CADM2: variants seen among roughly 807,000 people sequenced by gnomAD.
The protein encoded by CADM2 is cell adhesion molecule 2.
CADM2 carries 12 observed loss-of-function variants against 49.8 expected under a neutral mutation model. That is an observed-to-expected ratio of 0.24 (90% CI 0.15 to 0.39). The LOEUF (loss-of-function observed/expected upper bound fraction) is 0.39. Ranked by LOEUF, CADM2 falls within the 10% of genes least tolerant of loss-of-function variation. CADM2 has a pLI of 1.00. For missense variants in CADM2, 378 were observed against 492.3 expected (o/e 0.77, Z 2.20); for synonymous variants, 214 against 175.4 (o/e 1.22, Z -1.74).
chr3:85,710,173 C>T lies in CADM2; in HGVS notation c.62-16349C>T, dbSNP rs189172827. Among the ~76,000 whole-genome samples, 17 of 152,232 alleles carry T rather than the reference C, an allele frequency of 1.1e-4. No individual in the cohort carries two copies. In the East Asian group the frequency reaches 2.3e-3, roughly 21 times the overall value. ...GCTATGGAACACCATTTTCTTATTA[C>T]ACCTTCATAGCATAACAAGCTAAAA... On this transcript the variant is annotated intron_variant, in intron 1 of 9. Coordinates refer to ENST00000383699, the MANE Select transcript of CADM2 (RefSeq NM_001167675.2).
chr3:85,616,282 C>A (rs1426896765), intron 1 of CADM2, among the ~76,000 whole-genome samples: 1 of 151,224 alleles, frequency 6.6e-6, no homozygotes, highest in Non-Finnish European at 1.5e-5. Flanking sequence ...TCCGAATTAC[C>A]AAATTTATTC....
chr3:84,971,039 A>G (rs980080717), intron 1 of CADM2, among the ~76,000 whole-genome samples: 2 of 152,234 alleles, frequency 1.3e-5, no homozygotes, highest in East Asian at 3.9e-4. Flanking sequence ...GTGTAGCCAC[A>G]TAATATCTGA....
intron 1 of CADM2, among the ~76,000 whole-genome samples, chr3:85,234,554 T>C (rs1485174377): frequency 6.6e-6 from 1 of 152,170 alleles, no homozygotes; most frequent in Non-Finnish European, 1.5e-5. Context: ...TTTATGTATG[T>C]ATAAATATGT....
At chr3:85,918,078 A>G (rs991947401) in intron 6 of CADM2, among the ~76,000 whole-genome samples, 6 of 152,186 alleles carry the variant, frequency 3.9e-5, no homozygotes, top group South Asian at 2.1e-4. Context: ...TTTTCTAGAT[A>G]TACAATCATG....
At chr3:85,873,634 C>G (rs1577532026) in intron 3 of CADM2, among the ~76,000 whole-genome samples, 1 of 151,966 alleles carries the variant, frequency 6.6e-6, no homozygotes, top group Middle Eastern at 3.4e-3. Context: ...CCACTGCACT[C>G]CAGCCTGGGT....
At chr3:85,589,284 G>A (rs1339306346) in intron 1 of CADM2, among the ~76,000 whole-genome samples, 3 of 151,944 alleles carry the variant, frequency 2.0e-5, no homozygotes, top group South Asian at 2.1e-4. Flanking sequence ...GTTCTCCTGC[G>A]GTAATATTTG....
At chr3:85,031,614 A>C (rs1158849133) in intron 1 of CADM2, among the ~76,000 whole-genome samples, 2 of 152,136 alleles carry the variant, frequency 1.3e-5, no homozygotes, top group Non-Finnish European at 2.9e-5. Context: ...TCCCGGGTTC[A>C]CGCCACTCTC....
intron 1 of CADM2, among the ~76,000 whole-genome samples, chr3:85,582,036 C>A (rs762779057): frequency 1.3e-5 from 2 of 152,090 alleles, no homozygotes; most frequent in South Asian, 2.1e-4. Flanking sequence ...AAGCAATTCT[C>A]CTGCCTCAGT....
chr3:85,020,252 G>GA (rs1227597840), intron 1 of CADM2, among the ~76,000 whole-genome samples: 2 of 151,962 alleles, frequency 1.3e-5, no homozygotes, highest in Admixed American at 6.6e-5. Context: ...GAAAATATCA[G>GA]AAAAAATGCC....
chr3:85,787,317 C>T (rs750856776), intron 2 of CADM2, among the ~76,000 whole-genome samples: 7 of 152,036 alleles, frequency 4.6e-5, no homozygotes, highest in South Asian at 2.1e-4. Context: ...ATTAAAATCA[C>T]GAAATTGTTA....
At chr3:85,101,270 A>G (rs2038001302) in intron 1 of CADM2, among the ~76,000 whole-genome samples, 1 of 152,078 alleles carries the variant, frequency 6.6e-6, no homozygotes, top group Non-Finnish European at 1.5e-5. Flanking sequence ...AAACAAACAA[A>G]CAAAAAACAA....
At chr3:86,056,020 G>A (rs1430949638) in intron 8 of CADM2, among the ~76,000 whole-genome samples, 2 of 152,086 alleles carry the variant, frequency 1.3e-5, no homozygotes, top group African/African-American at 2.4e-5. Context: ...GCAGCAAATG[G>A]CCCCATGGTA....
At chr3:85,725,090 A>G (rs1236720417) in intron 1 of CADM2, among the ~76,000 whole-genome samples, 1 of 151,934 alleles carries the variant, frequency 6.6e-6, no homozygotes, top group East Asian at 1.9e-4. Context: ...GCTGTGAAAT[A>G]AAAGAGTTTG....
chr3:85,212,868 T>TCTC (rs1194802348), intron 1 of CADM2, among the ~76,000 whole-genome samples: 2 of 97,906 alleles, frequency 2.0e-5, no homozygotes, highest in Non-Finnish European at 2.3e-5. Flanking sequence ...CTTTCTTTCT[T>TCTC]TCTTTCTTTC....
intron 1 of CADM2, among the ~76,000 whole-genome samples, chr3:85,420,970 A>G (rs1023724092): frequency 6.6e-6 from 1 of 152,210 alleles, no homozygotes; most frequent in Non-Finnish European, 1.5e-5. Context: ...TGCCATAGCA[A>G]TAATGGGGAT....
At chr3:85,038,552 AG>A (rs2035310187) in intron 1 of CADM2, among the ~76,000 whole-genome samples, 1 of 152,192 alleles carries the variant, frequency 6.6e-6, no homozygotes, top group Non-Finnish European at 1.5e-5. Flanking sequence ...TTTTATATCA[AG>A]CCCAATAGGT....
In CADM2 at chr3:85,396,407, T is replaced by G. The variant is rs1300495066; in HGVS notation, c.62-330115T>G. On this transcript the variant is annotated intron_variant, in intron 1 of 9. Coordinates refer to ENST00000383699, the MANE Select transcript of CADM2 (RefSeq NM_001167675.2). ...AACTTCATAACTTAGTTTTATTATT[T>G]CCTATGAGACTGGCAATGACTCTTA... Among the ~76,000 whole-genome samples, 9 of 152,102 alleles carry G rather than the reference T, an allele frequency of 5.9e-5. No homozygotes were observed. The East Asian group carries it at 1.7e-3, about 29-fold the overall frequency.
At chr3:85,750,378 T>C (rs973837122) in intron 2 of CADM2, among the ~76,000 whole-genome samples, 7 of 152,080 alleles carry the variant, frequency 4.6e-5, no homozygotes, top group African/African-American at 1.4e-4. Context: ...GTCTTTAAGC[T>C]TGCAATTGGA....
At chr3:85,423,964 A>C (rs1314737779) in intron 1 of CADM2, among the ~76,000 whole-genome samples, 9 of 152,102 alleles carry the variant, frequency 5.9e-5, no homozygotes, top group Admixed American at 2.6e-4. Flanking sequence ...TCCTCTTTCA[A>C]CCTCGTTCTT....
Sources: allele counts gnomAD v4.1 joint callset (sites outside exome capture counted in the v4.1 genomes callset), GRCh38; gene constraint gnomAD v4.1.1; transcripts MANE v1.5; gene names NCBI Gene and HGNC (gene_info 2026-07-23, HGNC 2026-07-21).